The following SP140 variants were observed in gnomAD, a reference collection of about 807,000 sequenced individuals.
SP140 encodes SP140 nuclear body protein.
A neutral mutation model predicts 125.0 loss-of-function variants in SP140; 81 were observed. That is an observed-to-expected ratio of 0.65 (90% CI 0.54 to 0.78). The LOEUF is 0.78. Among genes scored for constraint, SP140 ranks in the 30% least tolerant of loss-of-function variants. The pLI, the probability that SP140 is intolerant of heterozygous loss-of-function variation, is 0.00. For synonymous variants in SP140, 312 were observed against 354.0 expected (o/e 0.88, Z 1.33); for missense variants, 858 against 1,037.0 (o/e 0.83, Z 2.37).
rs778357621 is a variant in SP140 at position 230,293,471 on chromosome 2, G to A, written c.1968+683G>A. 2.8e-4 allele frequency among the ~76,000 whole-genome samples: 42 copies of A among 152,088 alleles called. 1 individual carries two copies. The highest frequency in any genetic ancestry group is 1.3e-4 in the Admixed American group (2 of 15,262). On this transcript the variant is annotated intron_variant, in intron 20 of 26. Coordinates refer to ENST00000392045, the MANE Select transcript of SP140 (RefSeq NM_007237.5). ...TGTGCCTCAGCCTCTCGAGTAGCTGGAACTACGGTTGTGCACCACCATGCC... is the reference window on the plus strand; with the variant it reads ...TGTGCCTCAGCCTCTCGAGTAGCTGAAACTACGGTTGTGCACCACCATGCC...
intron 12 of SP140, among the ~76,000 whole-genome samples, chr2:230,268,315 G>T (rs1360810748): frequency 6.6e-6 from 1 of 152,134 alleles, no homozygotes; most frequent in Non-Finnish European, 1.5e-5. Flanking sequence ...CCTGAGGTCA[G>T]GAGTTCGAGA....
chr2:230,293,660 C>T (rs796712387), intron 20 of SP140, among the ~76,000 whole-genome samples: 141 of 152,244 alleles, frequency 9.3e-4, no homozygotes, highest in African/African-American at 3.2e-3. Context: ...TAGACAGCCA[C>T]GGGGCTTTCC....
chr2:230,261,133 T>C (rs888879019), intron 12 of SP140, among the ~76,000 whole-genome samples: 4 of 152,198 alleles, frequency 2.6e-5, no homozygotes, highest in African/African-American at 2.4e-5. Context: ...GTTTTGTAGT[T>C]TTCCTTGTAG....
At chr2:230,194,495 G>A in the SP140 span, among the ~76,000 whole-genome samples, 2 of 152,068 alleles carry the variant, frequency 1.3e-5, no homozygotes, top group Non-Finnish European at 2.9e-5. Context: ...AACAGAAAGG[G>A]AAGAGGGAGA....
chr2:230,195,456 T>G, the SP140 span, among the ~76,000 whole-genome samples: 1 of 152,102 alleles, frequency 6.6e-6, no homozygotes, highest in Non-Finnish European at 1.5e-5. Context: ...CACCTCAGCC[T>G]CCTGAGTAGC....
At chr2:230,219,875 T>C (rs2148973071) in intron 3 of SP140, 5 of 976,212 alleles carry the variant, frequency 5.1e-6, no homozygotes, top group East Asian at 1.1e-4. Flanking sequence ...GAAACTCACC[T>C]GGACTTTGAG....
intron 3 of SP140, among the ~76,000 whole-genome samples, chr2:230,216,147 G>C (rs1452961959): frequency 1.3e-5 from 2 of 152,152 alleles, no homozygotes; most frequent in African/African-American, 4.8e-5. Context: ...TTATAAATTG[G>C]GATGATGCCT....
chr2:230,311,643 T>A (rs1376641417), intron 26 of SP140, 48 bp downstream of exon 26: 1 of 1,593,116 alleles, frequency 6.3e-7, no homozygotes, highest in Non-Finnish European at 8.5e-7. Flanking sequence ...ATCCTTCCCC[T>A]CATTTTCTGG....
intron 7 of SP140, 28 bp from the exon 8 acceptor site, chr2:230,247,888 T>C: frequency 6.2e-7 from 1 of 1,610,024 alleles, no homozygotes; most frequent in Non-Finnish European, 8.5e-7. Context: ...TTACATACAC[T>C]CTCAGAGATG....
chr2:230,238,661 T>C (rs2048308456), intron 3 of SP140: 1 of 1,000,872 alleles, frequency 1.0e-6, no homozygotes, highest in African/African-American at 1.6e-5. Context: ...CTCTATTTTT[T>C]TGAAGGAATA....
Position 230,312,790 on chromosome 2 carries a change from G to A in SP140, c.*106G>A. 2 of 778,696 alleles carry A rather than the reference G, an allele frequency of 2.6e-6. No individual in the cohort carries two copies. The highest frequency in any genetic ancestry group is 2.7e-5 in the East Asian group (1 of 36,968). 48.2% of individuals were successfully genotyped at this position (778,696 alleles called of 1,614,324 possible). A position where few individuals can be genotyped will look rare whatever the true frequency, so the allele number is the denominator to read the frequency against. On this transcript the variant is annotated 3_prime_UTR_variant, in exon 27 of 27. Transcript: ENST00000392045. Reference sequence around the variant, plus strand: ...GTCACTTGGGCACAGCACATGCAGGGAGGGGCTTTTCTCTGAGCCTCCTTC... The same window carrying A: ...GTCACTTGGGCACAGCACATGCAGGAAGGGGCTTTTCTCTGAGCCTCCTTC...
chr2:230,212,424 T>C (rs1400463785), intron 1 of SP140: 7 of 1,609,124 alleles, frequency 4.4e-6, no homozygotes, highest in East Asian at 4.5e-5. Flanking sequence ...TAACTTGTCA[T>C]TGGTCACTGA....
intron 22 of SP140, among the ~76,000 whole-genome samples, chr2:230,309,350 G>T (rs768951425): frequency 2.0e-5 from 3 of 152,098 alleles, no homozygotes; most frequent in Non-Finnish European, 4.4e-5. Flanking sequence ...GTGCTTCCTG[G>T]GGCCCACCTG....
chr2:230,211,596 G>T lies in SP140; in HGVS notation c.-322-2058G>T. On this transcript the variant is annotated intron_variant, in intron 1 of 4. Coordinates refer to the SP140 transcript ENST00000456542. The surrounding 1 kb of genome is among the most constrained non-coding windows in gnomAD (Gnocchi z 4.2). ...AAGTTTTAGATCTCAGGAACAGCAAGCAGGGACCAGAATGAGGAGAAAAGA... is the reference window on the plus strand; with the variant it reads ...AAGTTTTAGATCTCAGGAACAGCAATCAGGGACCAGAATGAGGAGAAAAGA... 8.7e-7 allele frequency: 1 copy of T among 1,154,816 alleles called. No individual in the cohort carries two copies. Among genetic ancestry groups the T allele is most frequent in the Non-Finnish European group, 1.3e-6 (1 of 760,706 alleles). 71.5% of individuals were successfully genotyped at this position (1,154,816 alleles called of 1,614,324 possible). A position where few individuals can be genotyped will look rare whatever the true frequency, so the allele number is the denominator to read the frequency against.
At chr2:230,231,578 A>G (rs1350756057) in intron 1 of SP140, among the ~76,000 whole-genome samples, 2 of 152,062 alleles carry the variant, frequency 1.3e-5, no homozygotes, top group Non-Finnish European at 2.9e-5. Context: ...CTTATTATAC[A>G]GGAACCCTGT....
At position 230,299,552 on chromosome 2, in the gene SP140, T is replaced by C. The variant is rs111641081; in HGVS notation, c.2058+2090T>C. ...CCATGGGGAGAAGGAGGCTTCCAGC[T>C]GAACTTTGTAATAATTTTAACCAAG... is the stretch of plus-strand genomic sequence containing the variant. On this transcript the variant is annotated intron_variant, in intron 22 of 26. Coordinates refer to ENST00000392045, the MANE Select transcript of SP140 (RefSeq NM_007237.5). Among the ~76,000 whole-genome samples the C allele has an allele frequency of 8.8e-4, 134 of 152,292 alleles. 1 individual carries two copies. Among genetic ancestry groups the C allele is most frequent in the African/African-American group, 3.0e-3 (126 of 41,574 alleles).
Position 230,247,944 on chromosome 2 carries a change from G to T in SP140, c.771G>T (p.Ala257=). 2 of 1,613,672 alleles carry T rather than the reference G, an allele frequency of 1.2e-6. No individual in the cohort carries two copies. The highest frequency in any genetic ancestry group is 1.7e-6 in the Non-Finnish European group (2 of 1,179,788). Residue 257 remains alanine (A), a synonymous_variant, in exon 8 of 27, where the codon GCG becomes GCT. Transcript: ENST00000392045. ...EVLESNGMID[A]ARTYSTAPGE... is the part of the protein sequence containing the mutation. Reference sequence around the variant, plus strand: ...TAGAAAGCAACGGGATGATAGATGCGGCAAGGACATACAGCACAGCACCAG... The same window carrying T: ...TAGAAAGCAACGGGATGATAGATGCTGCAAGGACATACAGCACAGCACCAG...
At chr2:230,258,534 A>G (rs1400858786) in intron 12 of SP140, among the ~76,000 whole-genome samples, 2 of 152,148 alleles carry the variant, frequency 1.3e-5, no homozygotes, top group Non-Finnish European at 2.9e-5. Context: ...TTTTATTATT[A>G]TTTTCACATC....
At chr2:230,301,967 G>A (rs1031397489) in intron 22 of SP140, among the ~76,000 whole-genome samples, 2 of 152,088 alleles carry the variant, frequency 1.3e-5, no homozygotes, top group Non-Finnish European at 2.9e-5. Context: ...CACCAAAAGC[G>A]AGCAGGAGTA....
Sources: gnomAD v4.1 joint callset for allele counts (sites outside exome capture counted in the v4.1 genomes callset) on GRCh38, gnomAD v4.1.1 for gene constraint, Gnocchi (gnomAD v3.1) non-coding constraint, MANE v1.5 for transcripts, NCBI Gene and HGNC (gene_info 2026-07-23, HGNC 2026-07-21) for gene names.